Variants in ARB2A observed in about 807,000 individuals in gnomAD.
The protein encoded by ARB2A is cotranscriptional regulator ARB2A.
the ARB2A span, among the ~76,000 whole-genome samples, chr5:93,723,308 A>G: frequency 1.3e-5 from 2 of 152,152 alleles, no homozygotes; most frequent in Admixed American, 1.3e-4. Flanking sequence ...CTGCTCTTTC[A>G]TATTAGTTGT....
the ARB2A span, among the ~76,000 whole-genome samples, chr5:93,913,695 A>C: frequency 6.6e-6 from 1 of 152,008 alleles, no homozygotes; most frequent in African/African-American, 2.4e-5. Context: ...TTTTGTGTTT[A>C]AGTAATTTTC....
the ARB2A span, among the ~76,000 whole-genome samples, chr5:94,046,562 C>T: frequency 4.6e-5 from 7 of 152,234 alleles, no homozygotes; most frequent in East Asian, 1.4e-3. Flanking sequence ...ACTTAACTGC[C>T]CAGTAGATAA....
chr5:94,015,118 G>A, the ARB2A span, among the ~76,000 whole-genome samples: 3 of 152,036 alleles, frequency 2.0e-5, no homozygotes, highest in Middle Eastern at 3.4e-3. Context: ...GTCAAAAGTC[G>A]AGGACAAGGA....
the ARB2A span, among the ~76,000 whole-genome samples, chr5:94,085,910 A>G: frequency 1.2e-4 from 19 of 152,248 alleles, no homozygotes. Flanking sequence ...TATCATTTAT[A>G]TTGAGCTAAA....
chr5:93,848,984 C>CTT, the ARB2A span, among the ~76,000 whole-genome samples: 3 of 152,212 alleles, frequency 2.0e-5, no homozygotes, highest in East Asian at 3.8e-4. Flanking sequence ...AACACCCTGC[C>CTT]TCTGTCAGAT....
the ARB2A span, among the ~76,000 whole-genome samples, chr5:94,084,861 TG>T: frequency 6.6e-6 from 1 of 152,134 alleles, no homozygotes; most frequent in Admixed American, 6.5e-5. Context: ...ACTTCATACA[TG>T]ATCAATTTCA....
the ARB2A span, among the ~76,000 whole-genome samples, chr5:93,909,897 A>G: frequency 6.6e-6 from 1 of 151,094 alleles, no homozygotes; most frequent in African/African-American, 2.4e-5. Flanking sequence ...TCTATTATTA[A>G]CAAAATGACT....
At chr5:93,960,090 C>CA in the ARB2A span, among the ~76,000 whole-genome samples, 2 of 146,150 alleles carry the variant, frequency 1.4e-5, no homozygotes, top group African/African-American at 2.6e-5. Context: ...TGCCCCCCCC[C>CA]CCCCCAAAAA....
the ARB2A span, among the ~76,000 whole-genome samples, chr5:94,063,786 G>A: frequency 2.0e-5 from 3 of 151,986 alleles, no homozygotes. Flanking sequence ...TTACATGACT[G>A]CACACACCCA....
chr5:93,883,509 G>C, the ARB2A span, among the ~76,000 whole-genome samples: 1 of 151,478 alleles, frequency 6.6e-6, no homozygotes, highest in Non-Finnish European at 1.5e-5. Flanking sequence ...CTATTCAAAA[G>C]TCTTGTAATT....
chr5:93,821,605 T>C, the ARB2A span, among the ~76,000 whole-genome samples: 1 of 152,064 alleles, frequency 6.6e-6, no homozygotes, highest in Non-Finnish European at 1.5e-5. Context: ...TTAAATTTGC[T>C]TTTGCCTAAA....
At chr5:93,695,848 T>C in the ARB2A span, among the ~76,000 whole-genome samples, 4 of 152,192 alleles carry the variant, frequency 2.6e-5, no homozygotes, top group Non-Finnish European at 5.9e-5. Context: ...TGGAATACTA[T>C]GCATCCATAA....
At chr5:93,765,773 C>CTT in the ARB2A span, among the ~76,000 whole-genome samples, 1 of 152,144 alleles carries the variant, frequency 6.6e-6, no homozygotes, top group Non-Finnish European at 1.5e-5. Context: ...CATCACACTA[C>CTT]CTGACTTCAA....
chr5:93,758,677 A>T, the ARB2A span, among the ~76,000 whole-genome samples: 155 of 152,310 alleles, frequency 1.0e-3, no homozygotes, highest in African/African-American at 3.0e-3. Flanking sequence ...GATGGAAATT[A>T]AAAAATTCTT....
chr5:94,049,064 T>C, the ARB2A span, among the ~76,000 whole-genome samples: 3 of 152,210 alleles, frequency 2.0e-5, no homozygotes, highest in Non-Finnish European at 4.4e-5. Context: ...AATACAGAAA[T>C]TTCAGCTTTT....
chr5:93,960,083 C>CG, the ARB2A span, among the ~76,000 whole-genome samples: 82,524 of 114,090 alleles, frequency 0.72, 30,242 homozygotes, highest in Admixed American at 0.8. Flanking sequence ...CTCTAGATGC[C>CG]CCCCCCCCCC....
chr5:93,958,958 G>C, the ARB2A span: 2 of 1,581,092 alleles, frequency 1.3e-6, no homozygotes, highest in South Asian at 1.2e-5. Context: ...TTCACTCTCA[G>C]TGGCATCTAC....
chr5:93,840,267 C>G, the ARB2A span, among the ~76,000 whole-genome samples: 1 of 152,180 alleles, frequency 6.6e-6, no homozygotes, highest in Admixed American at 6.5e-5. Flanking sequence ...AAGACAGATT[C>G]AAGGCTACAT....
chr5:93,787,491 C>T, the ARB2A span, among the ~76,000 whole-genome samples: 1 of 152,286 alleles, frequency 6.6e-6, no homozygotes, highest in South Asian at 2.1e-4. Context: ...CAAATTAATT[C>T]TCATTTTACT....
Sources: allele counts gnomAD v4.1 joint callset (sites outside exome capture counted in the v4.1 genomes callset), GRCh38; gene constraint gnomAD v4.1.1; transcripts MANE v1.5; gene names NCBI Gene and HGNC (gene_info 2026-07-23, HGNC 2026-07-21).